The following NAV3 variants were observed in gnomAD, a reference collection of about 807,000 sequenced individuals.
NAV3 encodes neuron navigator 3.
A neutral mutation model predicts 244.7 loss-of-function variants in NAV3; 87 were observed. That is an observed-to-expected ratio of 0.36 (90% confidence interval 0.30 to 0.42). NAV3 has a LOEUF of 0.42. Among genes scored for constraint, NAV3 ranks in the 20% least tolerant of loss-of-function variants. The probability of loss-of-function intolerance (pLI) is 1.00; values close to 1 mark genes in which losing one functional copy is unlikely to be tolerated. For synonymous variants in NAV3, 1,126 were observed against 1,042.2 expected, an observed-to-expected ratio of 1.08 and a Z score of -1.55; for missense variants, 2,663 against 2,893.3, an observed-to-expected ratio of 0.92 and a Z score of 1.83.
chr12:78,034,399 C>A (rs1256024289), intron 9 of NAV3, among the ~76,000 whole-genome samples: 1 of 152,184 alleles, frequency 6.6e-6, no homozygotes, highest in Non-Finnish European at 1.5e-5. Flanking sequence ...AGTCCCAGGA[C>A]CCTCCGAGTC....
At chr12:78,184,889 G>C (rs1265399642) in intron 30 of NAV3, among the ~76,000 whole-genome samples, 3 of 151,664 alleles carry the variant, frequency 2.0e-5, no homozygotes, top group African/African-American at 4.8e-5. Flanking sequence ...CTCCAAATTG[G>C]AAATTAATCT....
intron 16 of NAV3, 131 bp downstream of exon 16, chr12:78,122,559 C>G: frequency 8.8e-7 from 1 of 1,138,016 alleles, no homozygotes; most frequent in Non-Finnish European, 1.2e-6. Flanking sequence ...CTGATGAAAC[C>G]GGGCCTTTCA....
At chr12:78,172,814 A>G (rs145581129) in intron 24 of NAV3, among the ~76,000 whole-genome samples, 2 of 151,624 alleles carry the variant, frequency 1.3e-5, no homozygotes, top group Non-Finnish European at 3.0e-5. Flanking sequence ...GAAGGATTGT[A>G]GGCCATATTT....
intron 2 of NAV3, among the ~76,000 whole-genome samples, chr12:77,682,218 CTT>C (rs1874505886): frequency 6.6e-6 from 1 of 152,116 alleles, no homozygotes; most frequent in Non-Finnish European, 1.5e-5. Flanking sequence ...AAGCTCAACT[CTT>C]TTAGATTCTA....
chr12:77,948,070 G>T (rs114794448), intron 3 of NAV3, among the ~76,000 whole-genome samples: 1,560 of 151,846 alleles, frequency 0.01, 33 homozygotes, highest in African/African-American at 0.036. Flanking sequence ...TTGCTACCTT[G>T]ATTAAAAAAA....
intron 2 of NAV3, among the ~76,000 whole-genome samples, chr12:77,817,731 A>C (rs982875072): frequency 6.6e-6 from 1 of 152,116 alleles, no homozygotes; most frequent in African/African-American, 2.4e-5. Flanking sequence ...TATGGTCACC[A>C]TATGCTCGTT....
chr12:77,934,405 A>AT (rs201815505), intron 1 of NAV3, among the ~76,000 whole-genome samples: 4 of 150,802 alleles, frequency 2.7e-5, no homozygotes, highest in Admixed American at 6.6e-5. Context: ...TTGGGAAATT[A>AT]TAAAAAAAAA....
At chr12:78,095,098 T>TATATAC (rs1313180938) in intron 12 of NAV3, among the ~76,000 whole-genome samples, 121 of 143,582 alleles carry the variant, frequency 8.4e-4, no homozygotes, top group African/African-American at 3.0e-3. Context: ...CATATATATA[T>TATATAC]ACACATATAT....
intron 3 of NAV3, among the ~76,000 whole-genome samples, chr12:77,947,998 C>G (rs1161822230): frequency 6.6e-6 from 1 of 151,968 alleles, no homozygotes; most frequent in African/African-American, 2.4e-5. Flanking sequence ...CTCAAGGCCT[C>G]TGCTCATTTC....
At chr12:77,627,218 C>A (rs1871670585) in intron 2 of NAV3, among the ~76,000 whole-genome samples, 1 of 152,014 alleles carries the variant, frequency 6.6e-6, no homozygotes, top group Admixed American at 6.5e-5. Flanking sequence ...AAATGGAAAA[C>A]AAAAGCGTGC....
chr12:78,175,765 A>G (rs761441044), intron 25 of NAV3, among the ~76,000 whole-genome samples: 6 of 148,288 alleles, frequency 4.0e-5, no homozygotes, highest in Non-Finnish European at 7.5e-5. Flanking sequence ...TAGTATAACT[A>G]TACAAACTAT....
intron 2 of NAV3, among the ~76,000 whole-genome samples, chr12:77,685,473 G>GCA (rs778398842): frequency 0.012 from 516 of 42,686 alleles, 1 homozygote; most frequent in Non-Finnish European, 0.018. Context: ...GCATACACAT[G>GCA]CACACACACA....
At chr12:78,170,770 A>G (rs554131702) in intron 24 of NAV3, among the ~76,000 whole-genome samples, 2 of 151,824 alleles carry the variant, frequency 1.3e-5, no homozygotes, top group South Asian at 4.1e-4. Context: ...GGAATATTCT[A>G]CCTTGTTTGA....
chr12:77,731,562 GA>G (rs1877128644), intron 2 of NAV3, among the ~76,000 whole-genome samples: 1 of 151,920 alleles, frequency 6.6e-6, no homozygotes, highest in Non-Finnish European at 1.5e-5. Flanking sequence ...CTAAGACTAA[GA>G]GAGAGAGGAA....
At chr12:77,669,679 A>T (rs1335848039) in intron 2 of NAV3, among the ~76,000 whole-genome samples, 3 of 152,172 alleles carry the variant, frequency 2.0e-5, no homozygotes, top group African/African-American at 7.2e-5. Flanking sequence ...TGCACCTAAC[A>T]CTAGAGCTCC....
At chr12:78,009,544 C>G (rs918939300) in intron 8 of NAV3, among the ~76,000 whole-genome samples, 1 of 151,358 alleles carries the variant, frequency 6.6e-6, no homozygotes, top group Non-Finnish European at 1.5e-5. Flanking sequence ...TGGTGGTTGC[C>G]TAGGTGGGAA....
chr12:77,739,152 A>C (rs1047135970), intron 2 of NAV3, among the ~76,000 whole-genome samples: 1 of 151,984 alleles, frequency 6.6e-6, no homozygotes, highest in Non-Finnish European at 1.5e-5. Flanking sequence ...CAGTAGTTAA[A>C]TCTGGATAAA....
intron 2 of NAV3, among the ~76,000 whole-genome samples, chr12:77,742,953 C>T (rs1159692151): frequency 1.3e-5 from 2 of 151,910 alleles, no homozygotes; most frequent in South Asian, 2.1e-4. Context: ...CTGAATAATA[C>T]CATGGGATCC....
intron 1 of NAV3, among the ~76,000 whole-genome samples, chr12:77,925,786 G>T (rs747327127): frequency 3.9e-5 from 6 of 152,150 alleles, no homozygotes; most frequent in Non-Finnish European, 7.3e-5. Context: ...AATTGTGTAT[G>T]AGTGGAATAC....
Sources: gnomAD v4.1 joint callset for allele counts (sites outside exome capture counted in the v4.1 genomes callset) on GRCh38, gnomAD v4.1.1 for gene constraint, MANE v1.5 for transcripts, NCBI Gene and HGNC (gene_info 2026-07-23, HGNC 2026-07-21) for gene names.